Variants in WNK1 observed in about 807,000 individuals in gnomAD.
The protein encoded by WNK1 is WNK lysine deficient protein kinase 1, also known as serine/threonine-protein kinase WNK1.
Under a neutral mutation model 222.8 loss-of-function variants are expected in WNK1, and 38 were observed. The observed-to-expected ratio is 0.17, with a 90% CI of 0.13 to 0.22. WNK1 has a LOEUF of 0.22. Ranked by LOEUF, WNK1 falls within the 10% of genes least tolerant of loss-of-function variation. WNK1 has a pLI of 1.00. For missense variants in WNK1, 2,348 were observed against 2,918.4 expected, an observed-to-expected ratio of 0.80 and a Z score of 4.50; for synonymous variants, 1,090 against 1,092.9, an observed-to-expected ratio of 1.00 and a Z score of 0.05.
Position 883,689 on chromosome 12 carries a change from T to C in WNK1, c.3664-85T>C, listed in dbSNP as rs1421028458. On this transcript the variant is annotated intron_variant, in intron 16 of 27. Transcript: ENST00000315939. Reference sequence around the variant, plus strand: ...ACCCATGACCGACAACAAACTTTTATGTTCTCTTCACATGTGGCAGTTTGC... The same window carrying C: ...ACCCATGACCGACAACAAACTTTTACGTTCTCTTCACATGTGGCAGTTTGC... 1.1e-5 allele frequency: 17 copies of C among 1,597,044 alleles called. No homozygotes were observed. The African/African-American group carries it at 2.0e-4, about 19-fold the overall frequency.
chr12:899,243 G>C (rs1222614068), intron 25 of WNK1, among the ~76,000 whole-genome samples: 1 of 152,198 alleles, frequency 6.6e-6, no homozygotes, highest in African/African-American at 2.4e-5. Flanking sequence ...CAGCCCATTA[G>C]TAGAGATGTG....
In WNK1 at chr12:862,153, A is replaced by T; in HGVS notation, c.2022A>T (p.Thr674=). Residue 674 remains threonine, a synonymous_variant, in exon 8 of 28, where the codon ACA becomes ACT. Transcript: ENST00000315939. ...FTESRVSSQQ[T]VSYGSQHEQA... is the part of the protein sequence containing the mutation. ...AATCTCGAGTGAGCAGCCAACAGAC[A>T]GTTTCATATGGTTCCCAACATGAAC... 1 of 1,614,118 alleles carries T rather than the reference A, an allele frequency of 6.2e-7. No homozygotes were observed. The highest frequency in any genetic ancestry group is 8.5e-7 in the Non-Finnish European group (1 of 1,179,996).
intron 26 of WNK1, among the ~76,000 whole-genome samples, chr12:902,536 G>T (rs1955354438): frequency 6.6e-6 from 1 of 152,144 alleles, no homozygotes; most frequent in Non-Finnish European, 1.5e-5. Context: ...GCGGTTTTTA[G>T]TTTGGTTATT....
chr12:769,876 G>A (rs1184018783), intron 1 of WNK1, among the ~76,000 whole-genome samples: 3 of 152,218 alleles, frequency 2.0e-5, no homozygotes, highest in African/African-American at 7.2e-5. Context: ...CAGGGCAAGA[G>A]AGTGTGAACC....
chr12:825,988 C>T (rs1948330598), intron 2 of WNK1, among the ~76,000 whole-genome samples: 1 of 152,210 alleles, frequency 6.6e-6, no homozygotes, highest in Non-Finnish European at 1.5e-5. Flanking sequence ...GTTCTTTTAG[C>T]ATACTTGGGC....
At position 909,186 on chromosome 12, in the gene WNK1, A is replaced by C; in HGVS notation, c.*394A>C. On this transcript the variant is annotated 3_prime_UTR_variant, in exon 28 of 28. Coordinates refer to ENST00000315939, the MANE Select transcript of WNK1 (RefSeq NM_018979.4). ...TTTTGGTACATGCCCTGAATCCCTC[A>C]CTCCCTCAAGAATCCGAACCACAGG... is the stretch of plus-strand genomic sequence containing the variant. 1.4e-5 allele frequency: 3 copies of C among 218,388 alleles called. No homozygotes were observed. Among genetic ancestry groups the C allele is most frequent in the East Asian group, 1.2e-4 (1 of 8,692 alleles). The allele number at this position is 218,388 out of a possible 1,614,324, so 13.5% of individuals were successfully genotyped here. A position where few individuals can be genotyped will look rare whatever the true frequency, so the allele number is the denominator to read the frequency against.
At chr12:801,423 TTGTGTG>T (rs367875366) in intron 1 of WNK1, among the ~76,000 whole-genome samples, 7,531 of 143,882 alleles carry the variant, frequency 0.052, 222 homozygotes, top group Non-Finnish European at 0.065. Context: ...CTTTTTTTCT[TTGTGTG>T]TGTGTGTGTG....
At chr12:802,545 T>C (rs1393093975) in intron 1 of WNK1, among the ~76,000 whole-genome samples, 1 of 152,204 alleles carries the variant, frequency 6.6e-6, no homozygotes, top group Admixed American at 6.5e-5. Context: ...CTTTGACTTA[T>C]TGTTGAAGCC....
chr12:797,943 T>C (rs946040799), intron 1 of WNK1, among the ~76,000 whole-genome samples: 786 of 78,542 alleles, frequency 0.01, 6 homozygotes, highest in Admixed American at 0.022. Context: ...AGTGAGACTC[T>C]GTCTCAAAAA....
intron 24 of WNK1, among the ~76,000 whole-genome samples, chr12:897,108 C>G (rs887867974): frequency 1.3e-5 from 2 of 152,096 alleles, no homozygotes; most frequent in African/African-American, 2.4e-5. Context: ...CTATTAACTG[C>G]TCTTTATTTA....
rs1309790564 is a variant in WNK1 at position 762,769 on chromosome 12, C to G, written c.759+8445C>G. 1.4e-5 allele frequency among the ~76,000 whole-genome samples: 2 copies of G among 146,428 alleles called. 1 individual carries two copies. The highest frequency in any genetic ancestry group is 3.0e-5 in the Non-Finnish European group (2 of 65,622). ...CCTGCTTTTCATTTTTTTTTTGAGA[C>G]AGAGTTTCACTCTTGTTGCCCAGCT... On this transcript the variant is annotated intron_variant, in intron 1 of 27. Coordinates refer to ENST00000315939, the MANE Select transcript of WNK1 (RefSeq NM_018979.4).
At chr12:798,301 C>T (rs1945526966) in intron 1 of WNK1, among the ~76,000 whole-genome samples, 1 of 151,998 alleles carries the variant, frequency 6.6e-6, no homozygotes, top group Non-Finnish European at 1.5e-5. Flanking sequence ...ACGCCATTCT[C>T]CCACCTCAGC....
intron 1 of WNK1, among the ~76,000 whole-genome samples, chr12:767,856 A>C (rs145507062): frequency 2.2e-4 from 33 of 152,270 alleles, no homozygotes; most frequent in Non-Finnish European, 3.8e-4. Flanking sequence ...TGATAGAGAC[A>C]GATTTTTATC....
chr12:761,445 G>A (rs61916729), intron 1 of WNK1, among the ~76,000 whole-genome samples: 9,534 of 147,694 alleles, frequency 0.065, 1,371 homozygotes, highest in Middle Eastern at 0.13. Flanking sequence ...AAATTTGCTT[G>A]TTGTAATCAT....
At chr12:867,172 G>T (rs1951744453) in intron 8 of WNK1, among the ~76,000 whole-genome samples, 1 of 152,068 alleles carries the variant, frequency 6.6e-6, no homozygotes, top group East Asian at 1.9e-4. Flanking sequence ...TTTATGATCA[G>T]AAAAATGGAC....
At chr12:866,328 G>C (rs1315690862) in intron 8 of WNK1, among the ~76,000 whole-genome samples, 1 of 152,136 alleles carries the variant, frequency 6.6e-6, no homozygotes, top group Non-Finnish European at 1.5e-5. Context: ...TAAAAAGCGG[G>C]GGAGGCTGTG....
chr12:804,426 T>C (rs1353536562), intron 1 of WNK1, among the ~76,000 whole-genome samples: 1 of 151,312 alleles, frequency 6.6e-6, no homozygotes, highest in Non-Finnish European at 1.5e-5. Flanking sequence ...GTTTTTTTTT[T>C]TTTTGGCGCG....
At chr12:814,157 C>T (rs904739456) in intron 2 of WNK1, among the ~76,000 whole-genome samples, 1 of 149,082 alleles carries the variant, frequency 6.7e-6, no homozygotes, top group Non-Finnish European at 1.5e-5. Context: ...GGTGAAACCC[C>T]GTCTCTACTA....
chr12:784,898 A>T (rs1244207884), intron 1 of WNK1, among the ~76,000 whole-genome samples: 1 of 152,192 alleles, frequency 6.6e-6, no homozygotes, highest in African/African-American at 2.4e-5. Context: ...TGAAAGAATA[A>T]CTTCATAACT....
Sources: allele counts gnomAD v4.1 joint callset (sites outside exome capture counted in the v4.1 genomes callset), GRCh38; gene constraint gnomAD v4.1.1; transcripts MANE v1.5; gene names NCBI Gene and HGNC (gene_info 2026-07-23, HGNC 2026-07-21).